EP400: variants seen among roughly 807,000 people sequenced by gnomAD.
EP400 encodes the protein E1A binding protein p400, also known as E1A-binding protein p400.
A neutral mutation model predicts 354.1 loss-of-function variants in EP400; 105 were observed. The observed-to-expected ratio is 0.30, with a 90% CI of 0.25 to 0.35. The LOEUF (loss-of-function observed/expected upper bound fraction) is 0.35, where lower values mean the gene tolerates loss of function less well. Among genes scored for constraint, EP400 ranks in the 10% least tolerant of loss-of-function variants. The pLI is 1.00. For missense variants in EP400, 3,280 were observed against 4,121.0 expected, an observed-to-expected ratio of 0.80 and a Z score of 5.59; for synonymous variants, 1,646 against 1,716.9, an observed-to-expected ratio of 0.96 and a Z score of 1.02.
chr12:131,985,809 T>G (rs538653056), intron 5 of EP400, among the ~76,000 whole-genome samples: 2 of 152,290 alleles, frequency 1.3e-5, no homozygotes, highest in East Asian at 3.9e-4. Context: ...GGTTTCTCCA[T>G]GTTGGTCAGG....
intron 2 of EP400, among the ~76,000 whole-genome samples, chr12:131,970,584 A>G (rs1381293910): frequency 2.6e-5 from 4 of 152,236 alleles, no homozygotes; most frequent in Admixed American, 1.3e-4. Flanking sequence ...GCTGTGTCCT[A>G]GAGGAGTACT....
At chr12:132,063,964 AC>A (rs990492218) in intron 47 of EP400, among the ~76,000 whole-genome samples, 24 of 139,300 alleles carry the variant, frequency 1.7e-4, no homozygotes, top group African/African-American at 6.3e-4. Context: ...CCGGGCTTTG[AC>A]CCCCCCGGCC....
intron 29 of EP400, 38 bp downstream of exon 29, chr12:132,030,196 A>G: frequency 6.2e-7 from 1 of 1,609,870 alleles, no homozygotes; most frequent in Non-Finnish European, 8.5e-7. Flanking sequence ...CTGATGGGTC[A>G]GTCACTGGTG....
At position 132,017,434 on chromosome 12, in the gene EP400, C is replaced by G; in HGVS notation, c.3924-101C>G. On this transcript the variant is annotated intron_variant, in intron 19 of 52. Coordinates refer to ENST00000389561, the MANE Select transcript of EP400 (RefSeq NM_015409.5). The surrounding 1 kb of genome is among the most constrained non-coding windows in gnomAD (Gnocchi z 5.0). ...ATTAAGCGGACCTAGAAAATCTGCT[C>G]CTGCCTGCCTTTCTGGAGTTGGGAC... 2 of 1,326,040 alleles carry G rather than the reference C, an allele frequency of 1.5e-6. No homozygotes were observed. The highest frequency in any genetic ancestry group is 4.3e-5 in the Admixed American group (2 of 46,730). 82.1% of individuals were successfully genotyped at this position (1,326,040 alleles called of 1,614,324 possible).
intron 1 of EP400, among the ~76,000 whole-genome samples, chr12:131,957,119 C>T (rs1891729122): frequency 6.6e-6 from 1 of 152,102 alleles, no homozygotes; most frequent in African/African-American, 2.4e-5. Flanking sequence ...GATCCACCCA[C>T]CTCAGCCTCC....
chr12:132,075,827 A>G lies in EP400; in HGVS notation c.9022-689A>G, dbSNP rs1896217680. On this transcript the variant is annotated intron_variant, in intron 51 of 52. Transcript: ENST00000389561. This position sits in a 1 kb window ranked among gnomAD's most constrained non-coding sequence, Gnocchi z 4.5. ...GGCCTTGTGCAGGGAGGGCCCTTGAAATCAGGGCCCCCAGCAGCTGCCCAC... is the reference window on the plus strand; with the variant it reads ...GGCCTTGTGCAGGGAGGGCCCTTGAGATCAGGGCCCCCAGCAGCTGCCCAC... 6.5e-6 allele frequency: 1 copy of G among 153,562 alleles called. No homozygotes were observed. Among genetic ancestry groups the G allele is most frequent in the South Asian group, 2.0e-4 (1 of 4,908 alleles). The allele number at this position is 153,562 out of a possible 1,614,324, so 9.5% of individuals were successfully genotyped here.
intron 16 of EP400, among the ~76,000 whole-genome samples, chr12:132,012,218 T>A (rs1400677051): frequency 6.6e-6 from 1 of 152,216 alleles, no homozygotes; most frequent in African/African-American, 2.4e-5. Flanking sequence ...TTCAGTAGTA[T>A]TTTCTTTTTT....
Position 132,017,722 on chromosome 12 carries a change from G to T in EP400, c.4110+1G>T. 6.6e-7 allele frequency: 1 copy of T among 1,516,454 alleles called. No individual in the cohort carries two copies. The highest frequency in any genetic ancestry group is 1.3e-5 in the South Asian group (1 of 76,122). 93.9% of individuals were successfully genotyped at this position (1,516,454 alleles called of 1,614,324 possible). On this transcript the variant is annotated splice_donor_variant, in intron 20 of 52. Coordinates refer to ENST00000389561, the MANE Select transcript of EP400 (RefSeq NM_015409.5). LOFTEE classifies it high-confidence loss of function. The surrounding 1 kb of genome is among the most constrained non-coding windows in gnomAD (Gnocchi z 5.0). ...GGCACTGGAGAGAGATTTCTGGAAG[G>T]TAAGTGGAGGATCCAGAAAGCGGAA... is the stretch of plus-strand genomic sequence containing the variant.
rs1045097256 is a variant in EP400 at position 132,025,560 on chromosome 12, T to C, written c.4856-86T>C. ...ATTTGATTTTCAGTTTGTCAACTTA[T>C]TTTTGTACTGTTTGGAAGTGCCTGG... On this transcript the variant is annotated intron_variant, in intron 24 of 52. Transcript: ENST00000389561. This position sits in a 1 kb window ranked among gnomAD's most constrained non-coding sequence, Gnocchi z 4.1. 1 of 1,369,932 alleles carries C rather than the reference T, an allele frequency of 7.3e-7. No homozygotes were observed. Among genetic ancestry groups the C allele is most frequent in the Non-Finnish European group, 9.7e-7 (1 of 1,034,238 alleles). The allele number at this position is 1,369,932 out of a possible 1,614,324, so 84.9% of individuals were successfully genotyped here.
Position 132,025,650 on chromosome 12 carries a change from C to T in EP400, c.4860C>T (p.Ser1620=), listed in dbSNP as rs760594434. The change falls in exon 25 of 53, where the codon AGC becomes AGT. Residue 1620 remains serine (S), a synonymous_variant. Transcript: ENST00000389561. The surrounding 1 kb of genome is among the most constrained non-coding windows in gnomAD (Gnocchi z 4.1). ...CTAGTGGACCTATGATTGCAGGCAG[C>T]GTCCTCCAGATCGTGTCCGCCCCCG... ...TAGQPLQLQG[S]VLQIVSAPGQ... 117 of 1,599,430 alleles carry T rather than the reference C, an allele frequency of 7.3e-5. No homozygotes were observed. Among genetic ancestry groups the T allele is most frequent in the Non-Finnish European group, 9.2e-5 (108 of 1,173,736 alleles).
intron 32 of EP400, among the ~76,000 whole-genome samples, chr12:132,041,472 C>G (rs749800948): frequency 3.3e-5 from 5 of 152,148 alleles, no homozygotes; most frequent in Non-Finnish European, 2.9e-5. Context: ...ATACGTGGAG[C>G]CTCTTCCTTC....
intron 14 of EP400, 29 bp downstream of exon 14, chr12:132,006,331 T>C: frequency 5.6e-6 from 9 of 1,609,444 alleles, no homozygotes; most frequent in Non-Finnish European, 7.6e-6. Flanking sequence ...AAGTGTGGGA[T>C]GGGCCTTTGA....
chr12:132,069,437 C>T lies in EP400; in HGVS notation c.8875-58C>T. The T allele has an allele frequency of 2.5e-6, 4 of 1,586,374 alleles. No individual in the cohort carries two copies. The South Asian group carries it at 4.6e-5, about 18-fold the overall frequency. On this transcript the variant is annotated intron_variant, in intron 50 of 52. Coordinates refer to ENST00000389561, the MANE Select transcript of EP400 (RefSeq NM_015409.5). ...ATAGGGCCCAGAGCGGGCAGGCGTC[C>T]CGGGAGTCTTGAGCGCGGCATGGTC...
In EP400 at chr12:131,982,178, C is replaced by G; in HGVS notation, c.1629C>G (p.Pro543=). ...AGTATGACCCCTCCACGGGGCCTCC[C>G]GTGCAGAACGCTGCCAGCTTGCACA... The part of the protein sequence containing the change: ...QQQYDPSTGP[P]VQNAASLHTP... Residue 543 remains proline (P), a synonymous_variant, in exon 5 of 53, where the codon CCC becomes CCG. Transcript: ENST00000389561. The G allele has an allele frequency of 6.2e-7, 1 of 1,612,170 alleles. No homozygotes were observed. The highest frequency in any genetic ancestry group is 8.5e-7 in the Non-Finnish European group (1 of 1,178,926).
chr12:132,013,677 C>T lies in EP400; in HGVS notation c.3786+13C>T. ...AAGGTTACACAGGGTAGGTTGGGTT[C>T]TGCCATTTCAGTTAATTAATTAAAC... On this transcript the variant is annotated intron_variant, in intron 18 of 52. Transcript: ENST00000389561. The surrounding 1 kb of genome is among the most constrained non-coding windows in gnomAD (Gnocchi z 4.5). 2 of 1,605,278 alleles carry T rather than the reference C, an allele frequency of 1.2e-6. No individual in the cohort carries two copies. Among genetic ancestry groups the T allele is most frequent in the Non-Finnish European group, 1.7e-6 (2 of 1,174,598 alleles).
chr12:132,070,365 C>T lies in EP400; in HGVS notation c.9021+724C>T, dbSNP rs1306506001. 3.3e-5 allele frequency among the ~76,000 whole-genome samples: 5 copies of T among 152,202 alleles called. No homozygotes were observed. The highest frequency in any genetic ancestry group is 1.9e-4 in the East Asian group (1 of 5,202). ...TTTCAGCCCCATTTATTTAAAAGCC[C>T]AATTCTGTCATCCATCGATCCACAG... is the stretch of plus-strand genomic sequence containing the variant. On this transcript the variant is annotated intron_variant, in intron 51 of 52. Coordinates refer to ENST00000389561, the MANE Select transcript of EP400 (RefSeq NM_015409.5). This position sits in a 1 kb window ranked among gnomAD's most constrained non-coding sequence, Gnocchi z 4.1.
intron 51 of EP400, among the ~76,000 whole-genome samples, chr12:132,069,851 C>G (rs1234595545): frequency 2.0e-5 from 3 of 152,234 alleles, no homozygotes; most frequent in East Asian, 3.8e-4. Flanking sequence ...CTGTCGCCAG[C>G]TTTGCCTTCA....
chr12:132,055,564 G>C (rs1331943669), intron 45 of EP400, among the ~76,000 whole-genome samples: 1 of 140,752 alleles, frequency 7.1e-6, no homozygotes, highest in Non-Finnish European at 1.6e-5. Flanking sequence ...TGAGGTGTAG[G>C]GGTGTGTGTG....
intron 15 of EP400, among the ~76,000 whole-genome samples, chr12:132,008,932 T>TC (rs1352649961): frequency 5.8e-4 from 80 of 138,102 alleles, no homozygotes; most frequent in African/African-American, 1.5e-3. Flanking sequence ...TTTTTTTTTT[T>TC]TTTTTTTTTT....
Sources: gnomAD v4.1 joint callset for allele counts (sites outside exome capture counted in the v4.1 genomes callset) on GRCh38, gnomAD v4.1.1 for gene constraint, Gnocchi (gnomAD v3.1) non-coding constraint, MANE v1.5 for transcripts, NCBI Gene and HGNC (gene_info 2026-07-23, HGNC 2026-07-21) for gene names.